ACAP2: variants seen among roughly 807,000 people sequenced by gnomAD.
ACAP2 encodes the protein ArfGAP with coiled-coil, ankyrin repeat and PH domains 2.
In ACAP2, 39 loss-of-function variants were observed where a neutral mutation model predicts 115.8. That is an observed-to-expected ratio of 0.34 (90% CI 0.26 to 0.44). The LOEUF (loss-of-function observed/expected upper bound fraction) is 0.44, where lower values mean the gene tolerates loss of function less well. Ranked by LOEUF, ACAP2 falls within the 20% of genes least tolerant of loss-of-function variation. ACAP2 has a pLI of 1.00. For synonymous variants in ACAP2, 289 were observed against 315.8 expected, an observed-to-expected ratio of 0.92 and a Z score of 0.90; for missense variants, 662 against 927.6, an observed-to-expected ratio of 0.71 and a Z score of 3.72.
At chr3:195,342,700 A>T in intron 5 of ACAP2, 46 bp from the exon 6 acceptor site, 1 of 1,516,304 alleles carries the variant, frequency 6.6e-7, no homozygotes, top group Non-Finnish European at 8.8e-7. Flanking sequence ...TTGCTTCATT[A>T]AAAAACTTTA....
chr3:195,328,831 G>A (rs906546384), intron 8 of ACAP2, among the ~76,000 whole-genome samples: 1 of 152,186 alleles, frequency 6.6e-6, no homozygotes, highest in Non-Finnish European at 1.5e-5. Context: ...TGTAATCCCA[G>A]CACTTTGGGA....
chr3:195,396,257 A>C (rs2108780564), intron 1 of ACAP2, among the ~76,000 whole-genome samples: 1 of 152,074 alleles, frequency 6.6e-6, no homozygotes, highest in East Asian at 1.9e-4. Context: ...ATCTCAAAAA[A>C]AAACAAATAA....
At chr3:195,399,616 T>C (rs1358869819) in intron 1 of ACAP2, among the ~76,000 whole-genome samples, 1 of 132,852 alleles carries the variant, frequency 7.5e-6, no homozygotes, top group Non-Finnish European at 1.6e-5. Context: ...TTAAAAAAAG[T>C]AGCGAAAAAA....
chr3:195,412,406 C>A (rs1313229713), intron 1 of ACAP2, among the ~76,000 whole-genome samples: 1 of 150,580 alleles, frequency 6.6e-6, no homozygotes. Context: ...ATGGTGAAAC[C>A]CCATCTCTAC....
At chr3:195,334,008 T>C (rs1730341468) in intron 7 of ACAP2, among the ~76,000 whole-genome samples, 1 of 152,106 alleles carries the variant, frequency 6.6e-6, no homozygotes, top group Admixed American at 6.6e-5. Flanking sequence ...TTTGTCCAAG[T>C]TTTCCTATAT....
intron 8 of ACAP2, 61 bp from the exon 9 acceptor site, chr3:195,327,020 C>T: frequency 7.2e-7 from 1 of 1,384,962 alleles, no homozygotes; most frequent in Non-Finnish European, 1.0e-6. Context: ...GTTTTTCAAA[C>T]CATATTCCAA....
chr3:195,375,113 ACCCGGGAGG>A (rs1255264565), intron 4 of ACAP2, among the ~76,000 whole-genome samples: 10 of 149,554 alleles, frequency 6.7e-5, no homozygotes, highest in African/African-American at 2.5e-4. Context: ...AATCGCTTGA[ACCCGGGAGG>A]CAGAGGTTGC....
chr3:195,329,619 T>C (rs1730039791), intron 8 of ACAP2, among the ~76,000 whole-genome samples: 2 of 152,294 alleles, frequency 1.3e-5, no homozygotes, highest in East Asian at 1.9e-4. Flanking sequence ...GCCCATTTCA[T>C]ATTCATCTAC....
intron 1 of ACAP2, among the ~76,000 whole-genome samples, chr3:195,408,845 A>G (rs1713007786): frequency 6.6e-6 from 1 of 152,224 alleles, no homozygotes. Flanking sequence ...TGAAGGGAAA[A>G]AAATCCATGA....
At chr3:195,289,803 C>CAAA (rs35498756) in intron 20 of ACAP2, among the ~76,000 whole-genome samples, 64 of 111,944 alleles carry the variant, frequency 5.7e-4, no homozygotes, top group African/African-American at 1.7e-3. Context: ...GACTCCGTCT[C>CAAA]AAAAAAAAAA....
chr3:195,338,038 A>G (rs1208499008), intron 6 of ACAP2, among the ~76,000 whole-genome samples: 1 of 152,188 alleles, frequency 6.6e-6, no homozygotes, highest in Non-Finnish European at 1.5e-5. Flanking sequence ...CCAGATGGGT[A>G]TCAGGCTATC....
At chr3:195,434,372 A>C (rs143286590) in intron 1 of ACAP2, among the ~76,000 whole-genome samples, 3 of 152,262 alleles carry the variant, frequency 2.0e-5, no homozygotes, top group Non-Finnish European at 4.4e-5. Context: ...AGTTGGAACC[A>C]CAGACGCATG....
At chr3:195,402,649 G>A (rs1712407713) in intron 1 of ACAP2, among the ~76,000 whole-genome samples, 1 of 151,992 alleles carries the variant, frequency 6.6e-6, no homozygotes, top group African/African-American at 2.4e-5. Context: ...GGAGGTATTC[G>A]CTCTACCACG....
At chr3:195,297,348 AAAATCCTTTAAGCAAGT>A in intron 15 of ACAP2, 67 bp from the exon 16 acceptor site, 1 of 1,381,426 alleles carries the variant, frequency 7.2e-7, no homozygotes, top group Non-Finnish European at 1.0e-6. Context: ...CTAAAATTTA[AAAATCCTTTAAGCAAGT>A]ACAGTTAACT....
intron 22 of ACAP2, among the ~76,000 whole-genome samples, chr3:195,284,329 G>C (rs1390027644): frequency 6.6e-6 from 1 of 152,318 alleles, no homozygotes; most frequent in South Asian, 2.1e-4. Context: ...AATACTATCA[G>C]TTAAGAATAT....
intron 4 of ACAP2, among the ~76,000 whole-genome samples, chr3:195,346,197 G>A (rs9854941): frequency 0.29 from 43,653 of 151,896 alleles, 7,188 homozygotes; most frequent in East Asian, 0.71. Flanking sequence ...ATTTAATTTT[G>A]TCTGTATTAT....
intron 1 of ACAP2, among the ~76,000 whole-genome samples, chr3:195,424,238 GT>G (rs1296355800): frequency 2.1e-5 from 2 of 93,070 alleles, no homozygotes; most frequent in African/African-American, 5.1e-5. Context: ...GTGTGTGTGT[GT>G]GTGTGGTGTG....
At chr3:195,380,601 G>C (rs934962638) in intron 4 of ACAP2, among the ~76,000 whole-genome samples, 13 of 152,036 alleles carry the variant, frequency 8.6e-5, no homozygotes, top group African/African-American at 3.1e-4. Context: ...TTTAATATTG[G>C]TAATTGTTTA....
intron 4 of ACAP2, among the ~76,000 whole-genome samples, chr3:195,353,686 T>C (rs1731761004): frequency 6.6e-6 from 1 of 152,254 alleles, no homozygotes; most frequent in South Asian, 2.1e-4. Context: ...AGCGATTTCA[T>C]GGAGATGTGT....
Sources: allele counts gnomAD v4.1 joint callset (sites outside exome capture counted in the v4.1 genomes callset), GRCh38; gene constraint gnomAD v4.1.1; transcripts MANE v1.5; gene names NCBI Gene and HGNC (gene_info 2026-07-23, HGNC 2026-07-21).